CD200R1: variants seen among roughly 807,000 people sequenced by gnomAD.
CD200R1 encodes cell surface glycoprotein CD200 receptor 1.
CD200R1 carries 30 observed loss-of-function variants against 38.1 expected under a neutral mutation model. The observed-to-expected ratio is 0.79, with a 90% confidence interval of 0.59 to 1.07. The LOEUF (loss-of-function observed/expected upper bound fraction) is 1.07. Among genes scored for constraint, CD200R1 ranks in the 50% least tolerant of loss-of-function variants. CD200R1 has a pLI of 0.00. For synonymous variants in CD200R1, 128 were observed against 152.1 expected, an observed-to-expected ratio of 0.84 and a Z score of 1.16; for missense variants, 372 against 415.4, an observed-to-expected ratio of 0.90 and a Z score of 0.91.
chr3:112,948,446 G>A (rs1256964579), intron 1 of CD200R1, among the ~76,000 whole-genome samples: 1 of 152,176 alleles, frequency 6.6e-6, no homozygotes, highest in Non-Finnish European at 1.5e-5. Flanking sequence ...AAGGGAGCAC[G>A]ATAGTTCTCG....
chr3:112,937,382 G>A (rs1014306590), intron 2 of CD200R1, among the ~76,000 whole-genome samples: 2 of 152,128 alleles, frequency 1.3e-5, no homozygotes, highest in Non-Finnish European at 2.9e-5. Context: ...CATATCAGAA[G>A]GGGTCCACTT....
intron 2 of CD200R1, 43 bp from the exon 3 acceptor site, chr3:112,931,214 T>C (rs1232238417): frequency 7.9e-7 from 1 of 1,264,438 alleles, no homozygotes; most frequent in Admixed American, 1.7e-5. Context: ...CAATTTTATG[T>C]ACTCAGAGTG....
chr3:112,951,356 GT>G (rs1201835865), intron 1 of CD200R1, among the ~76,000 whole-genome samples: 1 of 151,972 alleles, frequency 6.6e-6, no homozygotes, highest in Non-Finnish European at 1.5e-5. Flanking sequence ...AACTGAATTT[GT>G]TGATAAAAAG....
At chr3:112,932,122 G>C (rs570840625) in intron 2 of CD200R1, among the ~76,000 whole-genome samples, 1 of 152,102 alleles carries the variant, frequency 6.6e-6, no homozygotes, top group African/African-American at 2.4e-5. Flanking sequence ...GTGTACACCT[G>C]CTACCTCCCA....
chr3:112,969,397 G>T (rs1933245338), intron 1 of CD200R1, among the ~76,000 whole-genome samples: 2 of 152,152 alleles, frequency 1.3e-5, no homozygotes, highest in Non-Finnish European at 1.5e-5. Context: ...CAGGATGAAA[G>T]AAAATAATAC....
At chr3:112,962,649 G>T (rs1368024194) in intron 1 of CD200R1, among the ~76,000 whole-genome samples, 2 of 152,058 alleles carry the variant, frequency 1.3e-5, no homozygotes, top group Admixed American at 6.6e-5. Context: ...TAGGTAAAAT[G>T]TCCAAATTTT....
At chr3:112,932,000 T>C (rs1398905658) in intron 2 of CD200R1, among the ~76,000 whole-genome samples, 1 of 152,062 alleles carries the variant, frequency 6.6e-6, no homozygotes, top group African/African-American at 2.4e-5. Context: ...CCCCTATAGC[T>C]ACTGAAAAGA....
At chr3:112,966,826 T>C (rs1933176598) in intron 1 of CD200R1, among the ~76,000 whole-genome samples, 1 of 152,116 alleles carries the variant, frequency 6.6e-6, no homozygotes, top group Non-Finnish European at 1.5e-5. Context: ...CTTTGCTGCC[T>C]AACTTCTTGA....
intron 1 of CD200R1, among the ~76,000 whole-genome samples, chr3:112,964,752 T>C (rs1559957288): frequency 6.6e-6 from 1 of 152,176 alleles, no homozygotes; most frequent in Non-Finnish European, 1.5e-5. Flanking sequence ...TGGGAAGGGA[T>C]GATTGGTCTT....
At chr3:112,954,720 G>C (rs1311421377) in intron 1 of CD200R1, among the ~76,000 whole-genome samples, 1 of 152,194 alleles carries the variant, frequency 6.6e-6, no homozygotes, top group African/African-American at 2.4e-5. Context: ...TACCCGGAAA[G>C]AGCATGGGAA....
chr3:112,932,594 C>T (rs1198255858), intron 2 of CD200R1, among the ~76,000 whole-genome samples: 2 of 151,994 alleles, frequency 1.3e-5, no homozygotes, highest in African/African-American at 4.8e-5. Context: ...GAGAAATAGC[C>T]CTGTGAGCCC....
At chr3:112,946,679 G>A (rs1940869258) in intron 2 of CD200R1, among the ~76,000 whole-genome samples, 1 of 152,158 alleles carries the variant, frequency 6.6e-6, no homozygotes, top group South Asian at 2.1e-4. Context: ...GAACTTAATT[G>A]GTAGCAGGAA....
chr3:112,959,095 A>C (rs1481899721), intron 1 of CD200R1, among the ~76,000 whole-genome samples: 2 of 152,176 alleles, frequency 1.3e-5, no homozygotes, highest in Non-Finnish European at 1.5e-5. Flanking sequence ...CTCTAAAAAA[A>C]ACTTAGAGAT....
intron 1 of CD200R1, among the ~76,000 whole-genome samples, chr3:112,963,777 G>C (rs1006093825): frequency 6.6e-6 from 1 of 152,180 alleles, no homozygotes. Flanking sequence ...GTAACAAGGA[G>C]CTGAATGTTA....
At chr3:112,938,382 A>G (rs1455700799) in intron 2 of CD200R1, among the ~76,000 whole-genome samples, 1 of 152,172 alleles carries the variant, frequency 6.6e-6, no homozygotes, top group African/African-American at 2.4e-5. Context: ...AAAGAAAAAA[A>G]GAGAAAAAAC....
intron 2 of CD200R1, among the ~76,000 whole-genome samples, chr3:112,941,735 G>C (rs1407967809): frequency 6.6e-6 from 1 of 151,380 alleles, no homozygotes; most frequent in Non-Finnish European, 1.5e-5. Context: ...GAAACTCAGA[G>C]AACGCCAAGC....
Position 112,928,984 on chromosome 3 carries a change from TA to T in CD200R1, c.600del (p.His200GlnfsTer22). 2 of 1,613,990 alleles carry T rather than the reference TA, an allele frequency of 1.2e-6. No homozygotes were observed. Among genetic ancestry groups the T allele is most frequent in the Non-Finnish European group, 1.7e-6 (2 of 1,179,998 alleles). On this transcript the variant is annotated frameshift_variant, in exon 5 of 8. Transcript: ENST00000308611. LOFTEE classifies it high-confidence loss of function. The stretch of plus-strand genomic sequence containing the variant: ...CAATCGCCCTCTGGGATCCAGGAGA[TA>T]TGCGCAGCTGGCTTCCCTGCAACTG... ...CKAVAGKPAAHISWIPEGDCA... is the reference protein window; with the variant it reads ...CKAVAGKPAAXISWIPEGDCA...
intron 2 of CD200R1, among the ~76,000 whole-genome samples, chr3:112,946,560 G>T (rs1940863912): frequency 6.6e-6 from 1 of 152,092 alleles, no homozygotes. Context: ...ACATATTTAT[G>T]GAAAATAAGC....
At chr3:112,959,121 G>A (rs1020496213) in intron 1 of CD200R1, among the ~76,000 whole-genome samples, 4 of 152,064 alleles carry the variant, frequency 2.6e-5, no homozygotes, top group Non-Finnish European at 5.9e-5. Context: ...TTTCTGCAAC[G>A]TCACCATTCC....
Sources: gnomAD v4.1 joint callset for allele counts (sites outside exome capture counted in the v4.1 genomes callset) on GRCh38, gnomAD v4.1.1 for gene constraint, MANE v1.5 for transcripts, NCBI Gene and HGNC (gene_info 2026-07-23, HGNC 2026-07-21) for gene names.